The following MAP2K4 variants were observed in gnomAD, a reference collection of about 807,000 sequenced individuals.
The protein encoded by MAP2K4 is dual specificity mitogen-activated protein kinase kinase 4.
MAP2K4 carries 4 observed loss-of-function variants against 48.5 expected under a neutral mutation model. The observed-to-expected ratio is 0.08, with a 90% CI of 0.04 to 0.19. The LOEUF (loss-of-function observed/expected upper bound fraction) is 0.19, where lower values mean the gene tolerates loss of function less well. Among genes scored for constraint, MAP2K4 ranks in the 10% least tolerant of loss-of-function variants. MAP2K4 has a pLI of 1.00. For missense variants in MAP2K4, 258 were observed against 493.3 expected, an observed-to-expected ratio of 0.52 and a Z score of 4.52; for synonymous variants, 166 against 173.1, an observed-to-expected ratio of 0.96 and a Z score of 0.32.
chr17:12,033,694 A>G (rs955199401), intron 1 of MAP2K4, among the ~76,000 whole-genome samples: 1 of 152,130 alleles, frequency 6.6e-6, no homozygotes, highest in African/African-American at 2.4e-5. Flanking sequence ...TGACACATTC[A>G]CTGTGATAAT....
intron 7 of MAP2K4, chr17:12,124,647 G>A (rs1189379163): frequency 6.6e-6 from 1 of 151,830 alleles, no homozygotes; most frequent in African/African-American, 2.4e-5. Flanking sequence ...CCCCAAATTT[G>A]ACCTAATTCT....
chr17:12,064,395 T>A (rs1263411254), intron 2 of MAP2K4, among the ~76,000 whole-genome samples: 1 of 152,046 alleles, frequency 6.6e-6, no homozygotes, highest in Admixed American at 6.5e-5. Flanking sequence ...AGAACCCAAT[T>A]TGAAAAATGG....
intron 3 of MAP2K4, among the ~76,000 whole-genome samples, chr17:12,094,186 G>C (rs1192132615): frequency 6.6e-6 from 1 of 152,126 alleles, no homozygotes; most frequent in African/African-American, 2.4e-5. Flanking sequence ...GTAAATCTGT[G>C]TCTGTAACAT....
intron 9 of MAP2K4, among the ~76,000 whole-genome samples, chr17:12,130,017 A>T (rs1475229210): frequency 6.6e-6 from 1 of 152,180 alleles, no homozygotes; most frequent in Non-Finnish European, 1.5e-5. Context: ...ATCCAACATG[A>T]TTTAAATATA....
At chr17:12,115,834 A>T (rs1972473371) in intron 7 of MAP2K4, 24 of 713,178 alleles carry the variant, frequency 3.4e-5, no homozygotes, top group South Asian at 3.3e-4. Context: ...GCACTGTGCG[A>T]TGGGAGAATA....
At chr17:12,137,072 A>G (rs1973233989) in intron 9 of MAP2K4, among the ~76,000 whole-genome samples, 1 of 152,196 alleles carries the variant, frequency 6.6e-6, no homozygotes, top group Non-Finnish European at 1.5e-5. Flanking sequence ...AAGGTCCATT[A>G]CAGGACCCTG....
chr17:12,126,173 G>A (rs1034213762), intron 8 of MAP2K4, among the ~76,000 whole-genome samples: 4 of 152,122 alleles, frequency 2.6e-5, no homozygotes, highest in African/African-American at 7.2e-5. Flanking sequence ...AAATTTGGGT[G>A]GGGACACAGA....
At chr17:12,026,584 G>C (rs921135433) in intron 1 of MAP2K4, among the ~76,000 whole-genome samples, 16 of 152,164 alleles carry the variant, frequency 1.1e-4, no homozygotes, top group African/African-American at 3.6e-4. Context: ...ACGTTTATTT[G>C]TTCCGGAAGA....
intron 2 of MAP2K4, among the ~76,000 whole-genome samples, chr17:12,074,501 G>T (rs1970929755): frequency 6.6e-6 from 1 of 152,098 alleles, no homozygotes; most frequent in Admixed American, 6.5e-5. Context: ...CTACTTTATT[G>T]GTTTCCAATC....
At chr17:12,043,963 G>GT (rs1224383984) in intron 1 of MAP2K4, among the ~76,000 whole-genome samples, 2 of 152,020 alleles carry the variant, frequency 1.3e-5, no homozygotes, top group Non-Finnish European at 2.9e-5. Context: ...TCACTTGGTT[G>GT]TTTTTTTCTG....
At chr17:12,095,728 A>G (rs868840767) in intron 4 of MAP2K4, 34 bp downstream of exon 4, 3 of 1,605,808 alleles carry the variant, frequency 1.9e-6, no homozygotes, top group South Asian at 2.2e-5. Flanking sequence ...TGACTAATGA[A>G]TATCTAATTG....
intron 7 of MAP2K4, among the ~76,000 whole-genome samples, chr17:12,121,765 C>T (rs1287175751): frequency 6.6e-6 from 1 of 152,124 alleles, no homozygotes; most frequent in African/African-American, 2.4e-5. Context: ...TATTTTTAGA[C>T]ATGCATACTT....
intron 4 of MAP2K4, among the ~76,000 whole-genome samples, chr17:12,098,034 A>C (rs1971816881): frequency 6.6e-6 from 1 of 152,240 alleles, no homozygotes; most frequent in Admixed American, 6.5e-5. Context: ...GCAGAAAGTA[A>C]CAACTTTTAC....
intron 3 of MAP2K4, among the ~76,000 whole-genome samples, chr17:12,093,781 G>A (rs535770568): frequency 2.0e-5 from 3 of 152,022 alleles, no homozygotes; most frequent in South Asian, 2.1e-4. Flanking sequence ...ACAACTCTTC[G>A]TCTGTTTTAA....
At chr17:12,059,222 A>G (rs546959916) in intron 2 of MAP2K4, among the ~76,000 whole-genome samples, 44 of 152,280 alleles carry the variant, frequency 2.9e-4, no homozygotes, top group Non-Finnish European at 5.7e-4. Context: ...GAGTACAAAG[A>G]AAAAGCAAAG....
chr17:12,140,960 C>G (rs1166815440), intron 10 of MAP2K4, among the ~76,000 whole-genome samples, 187 bp from the exon 11 acceptor site: 1 of 152,154 alleles, frequency 6.6e-6, no homozygotes, highest in East Asian at 1.9e-4. Context: ...TCTAGGCATG[C>G]CCATGCCCAT....
chr17:12,051,591 A>G (rs1281604339), intron 1 of MAP2K4, among the ~76,000 whole-genome samples: 1 of 152,228 alleles, frequency 6.6e-6, no homozygotes, highest in Non-Finnish European at 1.5e-5. Flanking sequence ...TCACAAATTC[A>G]TAATGTTTTT....
intron 1 of MAP2K4, among the ~76,000 whole-genome samples, chr17:12,022,461 G>A (rs903166957): frequency 6.6e-6 from 1 of 152,118 alleles, no homozygotes; most frequent in Non-Finnish European, 1.5e-5. Flanking sequence ...AGGTGGTGGT[G>A]GTTGGGGCGA....
At chr17:12,039,119 C>G (rs770358441) in intron 1 of MAP2K4, among the ~76,000 whole-genome samples, 1 of 152,130 alleles carries the variant, frequency 6.6e-6, no homozygotes, top group Non-Finnish European at 1.5e-5. Flanking sequence ...TAGTGAAAAC[C>G]TAAAACTCTC....
Sources: gnomAD v4.1 joint callset for allele counts (sites outside exome capture counted in the v4.1 genomes callset) on GRCh38, gnomAD v4.1.1 for gene constraint, MANE v1.5 for transcripts, NCBI Gene and HGNC (gene_info 2026-07-23, HGNC 2026-07-21) for gene names.